The following RPH3AL variants were observed in gnomAD, a reference collection of about 807,000 sequenced individuals.
RPH3AL encodes the protein rab effector Noc2.
A neutral mutation model predicts 43.1 loss-of-function variants in RPH3AL; 38 were observed. The observed-to-expected ratio is 0.88, with a 90% CI of 0.68 to 1.15. RPH3AL has a LOEUF of 1.15. Among genes scored for constraint, RPH3AL ranks in the 50% most tolerant of loss-of-function variants. The pLI, the probability that RPH3AL is intolerant of heterozygous loss-of-function variation, is 0.00. For synonymous variants in RPH3AL, 189 were observed against 176.3 expected (o/e 1.07, Z -0.57); for missense variants, 462 against 423.2 (o/e 1.09, Z -0.81).
intron 7 of RPH3AL, among the ~76,000 whole-genome samples, chr17:241,579 T>A (rs1380261100): frequency 6.6e-6 from 1 of 151,878 alleles, no homozygotes; most frequent in East Asian, 1.9e-4. Context: ...CCATGCAGAG[T>A]GTTGGGTAAG....
intron 5 of RPH3AL, among the ~76,000 whole-genome samples, chr17:296,946 T>C (rs1468628221): frequency 2.6e-5 from 4 of 152,056 alleles, no homozygotes; most frequent in African/African-American, 9.7e-5. Flanking sequence ...CAAGGCTGGG[T>C]CTCGTGGGGC....
At chr17:294,723 A>G (rs371161952) in intron 5 of RPH3AL, among the ~76,000 whole-genome samples, 589 of 22,526 alleles carry the variant, frequency 0.026, 185 homozygotes, top group Middle Eastern at 0.062. Context: ...CAGTGTGGGA[A>G]GGACAGAAGA....
At position 333,842 on chromosome 17, in the gene RPH3AL, G is replaced by A. The variant is rs1312801990; in HGVS notation, c.-120C>T. On this transcript the variant is annotated 5_prime_UTR_variant, in exon 2 of 10. Coordinates refer to ENST00000331302, the MANE Select transcript of RPH3AL (RefSeq NM_006987.4). The surrounding 1 kb of genome is among the most constrained non-coding windows in gnomAD (Gnocchi z 4.5). ...CTGTCTCCAAAGTGCACGTACAAGT[G>A]TCCACTACACAAATTCTGCTGGAGG... The A allele has an allele frequency of 6.4e-6, 1 of 155,792 alleles. No individual in the cohort carries two copies. The highest frequency in any genetic ancestry group is 6.2e-5 in the Admixed American group (1 of 16,246). 9.7% of individuals were successfully genotyped at this position (155,792 alleles called of 1,614,324 possible). A position where few individuals can be genotyped will look rare whatever the true frequency, so the allele number is the denominator to read the frequency against.
chr17:301,254 T>G (rs2151638074), intron 5 of RPH3AL, among the ~76,000 whole-genome samples: 1 of 152,394 alleles, frequency 6.6e-6, no homozygotes, highest in Non-Finnish European at 1.5e-5. Context: ...TGGGGTCTCC[T>G]GCTCATCTTT....
At chr17:251,835 C>T (rs782587135) in intron 6 of RPH3AL, among the ~76,000 whole-genome samples, 26 of 152,388 alleles carry the variant, frequency 1.7e-4, no homozygotes, top group African/African-American at 6.0e-4. Flanking sequence ...TCCCTGTCCT[C>T]CACCGTGGGC....
At chr17:232,829 C>CGTGTGTGTGTGTGTGTGT (rs71143481) in intron 7 of RPH3AL, among the ~76,000 whole-genome samples, 5 of 119,418 alleles carry the variant, frequency 4.2e-5, no homozygotes, top group Non-Finnish European at 7.0e-5. Context: ...TCCTTTCCGG[C>CGTGTGTGTGTGTGTGTGT]GTGTGTGTGT....
intron 1 of RPH3AL, among the ~76,000 whole-genome samples, chr17:349,886 C>T (rs2045319826): frequency 6.6e-6 from 1 of 152,154 alleles, no homozygotes; most frequent in African/African-American, 2.4e-5. Flanking sequence ...GCAATCCCAT[C>T]GAGGGCCATC....
chr17:227,722 A>T (rs2041138363), intron 7 of RPH3AL, among the ~76,000 whole-genome samples: 1 of 152,184 alleles, frequency 6.6e-6, no homozygotes, highest in South Asian at 2.1e-4. Context: ...GACAGCCAGC[A>T]GCCTGAGTTT....
At chr17:272,998 GACCCCAGCGAGGGCGACA>G (rs2042532213) in intron 6 of RPH3AL, among the ~76,000 whole-genome samples, 3 of 119,620 alleles carry the variant, frequency 2.5e-5, no homozygotes, top group African/African-American at 8.3e-5. Context: ...GTCAGGGTGA[GACCCCAGCGAGGGCGACA>G]TCAGGAAGAG....
rs547134622 is a variant in RPH3AL at position 325,398 on chromosome 17, C to CA, written c.77+2068dup. Among the ~76,000 whole-genome samples the CA allele has an allele frequency of 2.5e-3, 374 of 152,312 alleles. 2 individuals carry two copies. Among genetic ancestry groups the CA allele is most frequent in the Non-Finnish European group, 3.2e-3 (216 of 68,028 alleles). ...CCTGCCTACCTCTCCATCTTCCTTC[C>CA]ACACTGTCCACCCTTCACATTTTGC... On this transcript the variant is annotated intron_variant, in intron 3 of 9. Coordinates refer to ENST00000331302, the MANE Select transcript of RPH3AL (RefSeq NM_006987.4).
intron 1 of RPH3AL, among the ~76,000 whole-genome samples, chr17:351,065 T>C (rs962978316): frequency 1.3e-5 from 2 of 152,158 alleles, no homozygotes; most frequent in South Asian, 4.1e-4. Context: ...TTCTGAACTG[T>C]ACCCCTGCCC....
At chr17:326,275 G>A (rs556236349) in intron 3 of RPH3AL, among the ~76,000 whole-genome samples, 5 of 152,354 alleles carry the variant, frequency 3.3e-5, no homozygotes, top group African/African-American at 1.2e-4. Flanking sequence ...CTCCTGGGGC[G>A]TTTCGAATTA....
chr17:304,683 C>T (rs1422555027), intron 5 of RPH3AL, among the ~76,000 whole-genome samples: 1 of 152,100 alleles, frequency 6.6e-6, no homozygotes, highest in Non-Finnish European at 1.5e-5. Context: ...ATGAGCCTGG[C>T]TGGACTCCTG....
intron 6 of RPH3AL, among the ~76,000 whole-genome samples, chr17:279,930 A>G (rs56210084): frequency 0.33 from 50,909 of 152,084 alleles, 9,205 homozygotes; most frequent in East Asian, 0.71. Context: ...ACTGTGGAGC[A>G]GACATTATTA....
chr17:239,975 C>T (rs995107686), intron 7 of RPH3AL, among the ~76,000 whole-genome samples: 1 of 152,144 alleles, frequency 6.6e-6, no homozygotes, highest in African/African-American at 2.4e-5. Flanking sequence ...CAGTGGCTCA[C>T]GCCTCTAATC....
rs2040723404 is a variant in RPH3AL, at chr17:213,679, G to A, written c.*173C>T. 1.6e-6 allele frequency: 1 copy of A among 643,156 alleles called. No individual in the cohort carries two copies. The highest frequency in any genetic ancestry group is 2.3e-5 in the Admixed American group (1 of 43,344). The allele number at this position is 643,156 out of a possible 1,614,324, so 39.8% of individuals were successfully genotyped here. On this transcript the variant is annotated 3_prime_UTR_variant, in exon 10 of 10. Transcript: ENST00000331302. ...GGCGGATGCAGACAGCTCCCCAGGA[G>A]AGAAGGGGTGCAGAAAGGCACTGAG... is the stretch of plus-strand genomic sequence containing the variant.
At chr17:327,276 G>T (rs1411184511) in intron 3 of RPH3AL, among the ~76,000 whole-genome samples, 191 bp downstream of exon 3, 1 of 152,220 alleles carries the variant, frequency 6.6e-6, no homozygotes, top group African/African-American at 2.4e-5. Flanking sequence ...TCAGGGAAAT[G>T]GGGATAAATT....
At chr17:325,536 T>C (rs2044599552) in intron 3 of RPH3AL, among the ~76,000 whole-genome samples, 1 of 152,056 alleles carries the variant, frequency 6.6e-6, no homozygotes, top group South Asian at 2.1e-4. Flanking sequence ...CCTACTCCCA[T>C]CTAACATTGG....
rs2044548102 is a variant in RPH3AL at position 323,954 on chromosome 17, C to G, written c.78-2539G>C. On this transcript the variant is annotated intron_variant, in intron 3 of 9. Transcript: ENST00000331302. The surrounding 1 kb of genome is among the most constrained non-coding windows in gnomAD (Gnocchi z 4.4). ...ACCCTCAGTCACCCCGAGAGGCAGGCCTGGACCCTCACAGTCATCCCACAA... is the reference window on the plus strand; with the variant it reads ...ACCCTCAGTCACCCCGAGAGGCAGGGCTGGACCCTCACAGTCATCCCACAA... 6.6e-6 allele frequency among the ~76,000 whole-genome samples: 1 copy of G among 151,126 alleles called. No homozygotes were observed. The highest frequency in any genetic ancestry group is 2.4e-5 in the African/African-American group (1 of 41,056).
Sources: gnomAD v4.1 joint callset for allele counts (sites outside exome capture counted in the v4.1 genomes callset) on GRCh38, gnomAD v4.1.1 for gene constraint, Gnocchi (gnomAD v3.1) non-coding constraint, MANE v1.5 for transcripts, NCBI Gene and HGNC (gene_info 2026-07-23, HGNC 2026-07-21) for gene names.